Variants in ZNF578 observed in about 807,000 individuals in gnomAD.
ZNF578 encodes the protein zinc finger protein 578.
Under a neutral mutation model 8.3 loss-of-function variants are expected in ZNF578, and 8 were observed. The observed-to-expected ratio is 0.96, with a 90% CI of 0.56 to 1.74. The LOEUF is 1.74. Ranked by LOEUF, ZNF578 falls within the 40% of genes most tolerant of loss-of-function variation. The probability of loss-of-function intolerance (pLI) is 0.00; values close to 1 mark genes in which losing one functional copy is unlikely to be tolerated. For missense variants in ZNF578, 726 were observed against 707.5 expected, an observed-to-expected ratio of 1.03 and a Z score of -0.30; for synonymous variants, 206 against 232.2, an observed-to-expected ratio of 0.89 and a Z score of 1.03.
chr19:52,482,264 C>G (rs1024335821), intron 2 of ZNF578, among the ~76,000 whole-genome samples: 6 of 152,154 alleles, frequency 3.9e-5, no homozygotes, highest in Non-Finnish European at 7.3e-5. Context: ...TAATTCCCGA[C>G]CTCAGGTGAT....
chr19:52,469,167 G>GTTTTTTTTTTTTTT (rs3054902), intron 2 of ZNF578, among the ~76,000 whole-genome samples: 4 of 130,612 alleles, frequency 3.1e-5, no homozygotes, highest in African/African-American at 8.6e-5. Context: ...GTTTTTTTTT[G>GTTTTTTTTTTTTTT]TTTTTTTTTT....
chr19:52,479,611 T>C (rs1047854133), intron 2 of ZNF578, among the ~76,000 whole-genome samples: 43 of 150,062 alleles, frequency 2.9e-4, no homozygotes, highest in African/African-American at 1.1e-3. Context: ...GCACTGACCA[T>C]AGAGATTCCA....
intron 2 of ZNF578, chr19:52,458,376 CCT>C (rs1233464532): frequency 6.7e-6 from 1 of 149,008 alleles, no homozygotes; most frequent in East Asian, 2.0e-4. Flanking sequence ...TCAAGGTTCC[CCT>C]GTTATCCCCA....
chr19:52,471,911 A>G (rs1213713496), intron 2 of ZNF578, among the ~76,000 whole-genome samples: 1 of 145,508 alleles, frequency 6.9e-6, no homozygotes, highest in Non-Finnish European at 1.5e-5. Context: ...GAGAAAATGT[A>G]TGAAGATTAG....
rs2059475006 is a variant in ZNF578, at chr19:52,516,190, C to G, written c.*4036C>G. Among the ~76,000 whole-genome samples the G allele has an allele frequency of 6.6e-6, 1 of 152,166 alleles. No individual in the cohort carries two copies. The stretch of plus-strand genomic sequence containing the variant: ...TTCAGGTCTAGGCTCAGAGCTCTCT[C>G]CCATGCCCTCCCACCCCTGGTCTCA... On this transcript the variant is annotated 3_prime_UTR_variant, in exon 6 of 6. Transcript: ENST00000421239.
chr19:52,502,265 G>A (rs2059410659), intron 4 of ZNF578, among the ~76,000 whole-genome samples: 1 of 152,186 alleles, frequency 6.6e-6, no homozygotes, highest in Admixed American at 6.5e-5. Flanking sequence ...GCTCTTTGTG[G>A]ACCAGATTAG....
intron 5 of ZNF578, among the ~76,000 whole-genome samples, chr19:52,505,875 G>A (rs2059423891): frequency 1.3e-5 from 2 of 151,926 alleles, no homozygotes; most frequent in African/African-American, 4.8e-5. Flanking sequence ...TTCAGACACA[G>A]TGGCTTTCAA....
intron 2 of ZNF578, among the ~76,000 whole-genome samples, chr19:52,488,415 T>C (rs2059353132): frequency 6.6e-6 from 1 of 151,924 alleles, no homozygotes; most frequent in Non-Finnish European, 1.5e-5. Context: ...ATTTCCATCC[T>C]GGCTAACACG....
chr19:52,502,021 G>A, intron 4 of ZNF578, 113 bp downstream of exon 4: 1 of 1,485,756 alleles, frequency 6.7e-7, no homozygotes, highest in South Asian at 1.3e-5. Flanking sequence ...TGAGTCTGAA[G>A]CATTTTGCCT....
chr19:52,484,202 C>T (rs2059336883), intron 2 of ZNF578, among the ~76,000 whole-genome samples: 1 of 152,204 alleles, frequency 6.6e-6, no homozygotes. Flanking sequence ...CCTTAAAGAG[C>T]AGTATTGCTG....
At chr19:52,492,431 C>T (rs1287034099) in intron 3 of ZNF578, among the ~76,000 whole-genome samples, 1 of 152,168 alleles carries the variant, frequency 6.6e-6, no homozygotes, top group Admixed American at 6.5e-5. Context: ...GTCTCTGAAG[C>T]TGAGCACAGG....
Position 52,511,517 on chromosome 19 carries a change from T to C in ZNF578, c.1136T>C (p.Met379Thr), listed in dbSNP as rs2059446580. Residue 379 changes from methionine (M) to threonine (T), a missense_variant, in exon 6 of 6, where the codon ATG becomes ACG. Met to Thr is a moderately conservative substitution (Grantham distance 81). Transcript: ENST00000421239. Reference protein sequence around the residue: ...KPYKCNECGKMFGQNSTLVIH... With the variant: ...KPYKCNECGKTFGQNSTLVIH... ...TACAAGTGTAATGAGTGTGGCAAGA[T>C]GTTTGGTCAAAATTCAACCCTTGTA... The C allele has an allele frequency of 1.2e-6, 2 of 1,613,516 alleles. No individual in the cohort carries two copies. Among genetic ancestry groups the C allele is most frequent in the Middle Eastern group, 1.7e-4 (1 of 6,058 alleles).
intron 2 of ZNF578, among the ~76,000 whole-genome samples, chr19:52,491,014 G>GT (rs2059363387): frequency 6.6e-6 from 1 of 151,954 alleles, no homozygotes; most frequent in South Asian, 2.1e-4. Flanking sequence ...ACAGTGATAT[G>GT]TTTTTTTGCA....
intron 2 of ZNF578, among the ~76,000 whole-genome samples, chr19:52,464,707 A>G (rs1352408349): frequency 6.6e-6 from 1 of 152,176 alleles, no homozygotes; most frequent in African/African-American, 2.4e-5. Context: ...ACAATCTGGA[A>G]ATTGATCTCT....
chr19:52,507,095 TAAAA>T (rs1429013288), intron 5 of ZNF578, among the ~76,000 whole-genome samples: 4 of 151,966 alleles, frequency 2.6e-5, no homozygotes, highest in Non-Finnish European at 4.4e-5. Flanking sequence ...TCTACTAAAT[TAAAA>T]AAAACTGGAT....
At chr19:52,499,772 G>A (rs2059400099) in intron 3 of ZNF578, among the ~76,000 whole-genome samples, 2 of 147,918 alleles carry the variant, frequency 1.4e-5, no homozygotes, top group Admixed American at 7.0e-5. Context: ...TGCAACCTCT[G>A]TCTCCTGGGA....
chr19:52,510,532 T>G, intron 5 of ZNF578, 40 bp from the exon 6 acceptor site: 1 of 1,491,740 alleles, frequency 6.7e-7, no homozygotes. Flanking sequence ...ATTTACCATC[T>G]GCACTTAATT....
In ZNF578 at chr19:52,506,008, C is replaced by T. The variant is rs1272184125; in HGVS notation, c.190+1227C>T. Among the ~76,000 whole-genome samples, 2 of 151,990 alleles carry T rather than the reference C, an allele frequency of 1.3e-5. 1 individual carries two copies. The highest frequency in any genetic ancestry group is 4.1e-4 in the South Asian group (2 of 4,826). On this transcript the variant is annotated intron_variant, in intron 5 of 5. Coordinates refer to ENST00000421239, the MANE Select transcript of ZNF578 (RefSeq NM_001099694.2). Reference sequence around the variant, plus strand: ...CACCTATTGGATTCAAGTGATTCTCCTGCCTCAGCCTCTTGAGTGGCTGGG... The same window carrying T: ...CACCTATTGGATTCAAGTGATTCTCTTGCCTCAGCCTCTTGAGTGGCTGGG...
chr19:52,492,199 G>A (rs1232816928), intron 3 of ZNF578, among the ~76,000 whole-genome samples: 1 of 148,632 alleles, frequency 6.7e-6, no homozygotes. Context: ...AAGGGAGGGA[G>A]AGACGAGGAA....
Sources: allele counts gnomAD v4.1 joint callset (sites outside exome capture counted in the v4.1 genomes callset), GRCh38; gene constraint gnomAD v4.1.1; transcripts MANE v1.5; gene names NCBI Gene and HGNC (gene_info 2026-07-23, HGNC 2026-07-21).